EPHA5: variants seen among roughly 807,000 people sequenced by gnomAD.
The protein encoded by EPHA5 is ephrin type-A receptor 5.
In EPHA5, 60 loss-of-function variants were observed where a neutral mutation model predicts 105.0. The observed-to-expected ratio is 0.57, with a 90% CI of 0.46 to 0.71. The LOEUF is 0.71. Ranked by LOEUF, EPHA5 falls within the 30% of genes least tolerant of loss-of-function variation. The probability of loss-of-function intolerance (pLI) is 0.00; values close to 1 mark genes in which losing one functional copy is unlikely to be tolerated. For missense variants in EPHA5, 1,218 were observed against 1,274.7 expected (o/e 0.96, Z 0.68); for synonymous variants, 513 against 449.1 (o/e 1.14, Z -1.80).
At chr4:65,619,241 A>G (rs1578598539) in intron 2 of EPHA5, among the ~76,000 whole-genome samples, 1 of 152,208 alleles carries the variant, frequency 6.6e-6, no homozygotes, top group East Asian at 1.9e-4. Flanking sequence ...CATTTGCACT[A>G]ATCTATAATA....
chr4:65,665,661 C>A (rs113938259), intron 1 of EPHA5, among the ~76,000 whole-genome samples: 123 of 152,072 alleles, frequency 8.1e-4, no homozygotes, highest in African/African-American at 2.9e-3. Flanking sequence ...AAAGAAAAAT[C>A]TTTGTTTTAA....
chr4:65,392,090 G>T (rs1391606285), intron 8 of EPHA5, among the ~76,000 whole-genome samples: 1 of 152,060 alleles, frequency 6.6e-6, no homozygotes, highest in Non-Finnish European at 1.5e-5. Context: ...TCCCACAGTG[G>T]GCAATTAGTT....
chr4:65,397,906 G>A (rs1721406918), intron 8 of EPHA5, among the ~76,000 whole-genome samples: 1 of 152,156 alleles, frequency 6.6e-6, no homozygotes, highest in Non-Finnish European at 1.5e-5. Context: ...AGGGGGGACT[G>A]ATGGCAGTGG....
intron 2 of EPHA5, 144 bp from the exon 3 acceptor site, chr4:65,602,448 T>A (rs1186564898): frequency 6.8e-6 from 4 of 586,232 alleles, no homozygotes; most frequent in Non-Finnish European, 1.1e-5. Flanking sequence ...AGGAACTAGA[T>A]ATAAAGTATT....
chr4:65,414,574 GA>G (rs997303386), intron 6 of EPHA5, 131 bp from the exon 7 acceptor site: 7 of 1,002,688 alleles, frequency 7.0e-6, no homozygotes, highest in African/African-American at 6.5e-5. Flanking sequence ...TAACATTTTA[GA>G]AAAAAATCCT....
chr4:65,582,898 T>C (rs1741774455), intron 3 of EPHA5, among the ~76,000 whole-genome samples: 3 of 151,732 alleles, frequency 2.0e-5, no homozygotes, highest in Non-Finnish European at 1.5e-5. Flanking sequence ...AATTTCTGTA[T>C]TGCCTTTGAC....
chr4:65,640,478 G>T (rs1046610312), intron 2 of EPHA5, among the ~76,000 whole-genome samples: 26 of 151,954 alleles, frequency 1.7e-4, no homozygotes, highest in African/African-American at 6.0e-4. Flanking sequence ...AGTAGAGACA[G>T]GGTGTCCCCG....
intron 5 of EPHA5, among the ~76,000 whole-genome samples, chr4:65,465,077 A>T (rs943549169): frequency 6.6e-6 from 1 of 152,110 alleles, no homozygotes; most frequent in African/African-American, 2.4e-5. Context: ...GAAATAAGAC[A>T]TCTATCTCAG....
chr4:65,330,574 T>G, intron 16 of EPHA5: 3 of 442,624 alleles, frequency 6.8e-6, no homozygotes, highest in Non-Finnish European at 9.1e-6. Context: ...GCAAATAATT[T>G]TATTATATAT....
In EPHA5 at chr4:65,341,715, G is replaced by T. The variant is rs543694630; in HGVS notation, c.2596-5590C>A. ...GTGAAAATGTAGGCTTGAAAACTGA[G>T]TGGCAGGAAGATTAGGAAGATTATA... is the stretch of plus-strand genomic sequence containing the variant. On this transcript the variant is annotated intron_variant, in intron 14 of 16. Coordinates refer to ENST00000613740, the MANE Select transcript of EPHA5 (RefSeq NM_001281766.3). Among the ~76,000 whole-genome samples, 5 of 152,040 alleles carry T rather than the reference G, an allele frequency of 3.3e-5. No individual in the cohort carries two copies. In the East Asian group the frequency reaches 7.7e-4, roughly 24 times the overall value.
chr4:65,545,639 A>G (rs1157380352), intron 3 of EPHA5, among the ~76,000 whole-genome samples: 1 of 152,010 alleles, frequency 6.6e-6, no homozygotes, highest in Non-Finnish European at 1.5e-5. Context: ...GCCTAACTGA[A>G]TATGAATAGA....
At chr4:65,429,190 A>G (rs1724741047) in intron 5 of EPHA5, among the ~76,000 whole-genome samples, 1 of 152,096 alleles carries the variant, frequency 6.6e-6, no homozygotes, top group Non-Finnish European at 1.5e-5. Flanking sequence ...ATGAGGCTAT[A>G]TCTAGCAGAT....
At chr4:65,450,488 G>C (rs577690646) in intron 5 of EPHA5, among the ~76,000 whole-genome samples, 1 of 152,240 alleles carries the variant, frequency 6.6e-6, no homozygotes, top group South Asian at 2.1e-4. Flanking sequence ...TGACCATTAT[G>C]CTGAGGGGCA....
chr4:65,523,354 A>G (rs184369285), intron 3 of EPHA5, among the ~76,000 whole-genome samples: 100 of 152,068 alleles, frequency 6.6e-4, no homozygotes, highest in African/African-American at 2.4e-3. Flanking sequence ...GACTATAACA[A>G]CAAAGATCAG....
intron 2 of EPHA5, among the ~76,000 whole-genome samples, chr4:65,618,192 A>G (rs574381967): frequency 1.3e-5 from 2 of 152,308 alleles, no homozygotes; most frequent in South Asian, 4.1e-4. Context: ...CTCAGTTAAC[A>G]CATGCCAATT....
At chr4:65,348,740 T>C (rs1722498439) in intron 13 of EPHA5, among the ~76,000 whole-genome samples, 1 of 104,326 alleles carries the variant, frequency 9.6e-6, no homozygotes, top group Non-Finnish European at 2.1e-5. Context: ...TGTATATATA[T>C]GTGTGTGCAT....
chr4:65,520,639 A>G (rs1164200346), intron 3 of EPHA5, among the ~76,000 whole-genome samples: 1 of 152,062 alleles, frequency 6.6e-6, no homozygotes, highest in African/African-American at 2.4e-5. Flanking sequence ...CTGAGAAAGG[A>G]CTAATATCCA....
In EPHA5 at chr4:65,345,883, C is replaced by G. The variant is rs528300773; in HGVS notation, c.2595+2171G>C. On this transcript the variant is annotated intron_variant, in intron 14 of 16. Transcript: ENST00000613740. ...TGCCTCCCGGGTTCATGCCATTCTC[C>G]TGCTTCAGCCTCTCGAGTAGCTGGG... 3.3e-5 allele frequency among the ~76,000 whole-genome samples: 5 copies of G among 152,164 alleles called. No homozygotes were observed. The South Asian group carries it at 8.3e-4, about 25-fold the overall frequency.
chr4:65,352,915 G>T, intron 12 of EPHA5, 127 bp downstream of exon 12: 1 of 434,710 alleles, frequency 2.3e-6, no homozygotes, highest in Non-Finnish European at 4.1e-6. Flanking sequence ...ATAAATTTCT[G>T]TTCTATTAAA....
Sources: allele counts gnomAD v4.1 joint callset (sites outside exome capture counted in the v4.1 genomes callset), GRCh38; gene constraint gnomAD v4.1.1; transcripts MANE v1.5; gene names NCBI Gene and HGNC (gene_info 2026-07-23, HGNC 2026-07-21).